The following FER1L6 variants were observed in gnomAD, a reference collection of about 807,000 sequenced individuals.
FER1L6 encodes fer-1 like family member 6, also known as fer-1-like protein 6.
In FER1L6, 177 loss-of-function variants were observed where a neutral mutation model predicts 219.2. The ratio of observed to expected loss-of-function variants is 0.81; its 90% CI spans 0.71 to 0.91. The LOEUF is 0.91. Ranked by LOEUF, FER1L6 falls within the 40% of genes least tolerant of loss-of-function variation. FER1L6 has a pLI of 0.00. For missense variants in FER1L6, 2,153 were observed against 2,259.9 expected, an observed-to-expected ratio of 0.95 and a Z score of 0.96; for synonymous variants, 768 against 824.3, an observed-to-expected ratio of 0.93 and a Z score of 1.17.
intron 16 of FER1L6, among the ~76,000 whole-genome samples, chr8:124,019,126 A>T (rs900322884): frequency 2.0e-5 from 3 of 152,212 alleles, no homozygotes; most frequent in African/African-American, 7.2e-5. Flanking sequence ...TCATAGGATA[A>T]AATCTAAATC....
At chr8:123,967,236 T>G (rs1053039527) in intron 5 of FER1L6, among the ~76,000 whole-genome samples, 2 of 152,236 alleles carry the variant, frequency 1.3e-5, no homozygotes, top group Non-Finnish European at 2.9e-5. Flanking sequence ...CATTTGCGTA[T>G]CCTTCCAGAG....
At chr8:123,986,890 T>C (rs1816611305) in intron 12 of FER1L6, among the ~76,000 whole-genome samples, 1 of 152,212 alleles carries the variant, frequency 6.6e-6, no homozygotes, top group South Asian at 2.1e-4. Flanking sequence ...TGTGTATCTG[T>C]ATCACATTTT....
chr8:123,914,649 G>A (rs999540679), intron 1 of FER1L6, among the ~76,000 whole-genome samples: 3 of 152,220 alleles, frequency 2.0e-5, no homozygotes, highest in Admixed American at 2.0e-4. Context: ...GCCCAGAGGA[G>A]CTGCTAAAAA....
At chr8:123,955,279 T>G (rs1357945074) in intron 1 of FER1L6, among the ~76,000 whole-genome samples, 1 of 151,954 alleles carries the variant, frequency 6.6e-6, no homozygotes, top group Non-Finnish European at 1.5e-5. Flanking sequence ...GGGGTTGCAG[T>G]GGGTGGGGAG....
At position 124,069,418 on chromosome 8, in the gene FER1L6, C is replaced by A. The variant is rs568983652; in HGVS notation, c.3777C>A (p.Asp1259Glu). ...DIEDGPKKKK[D>E]KMLKKKPKDD... The stretch of plus-strand genomic sequence containing the variant: ...AAGATGGGCCAAAGAAGAAGAAAGA[C>A]AAAATGCTCAAGAAGAAACCCAAAG... The change falls in exon 29 of 41, where the codon GAC becomes GAA. Residue 1259 changes from aspartate (D) to glutamate (E), a missense_variant. Asp to Glu is a conservative substitution (Grantham distance 45). Coordinates refer to ENST00000522917, the MANE Select transcript of FER1L6 (RefSeq NM_001039112.2). 8.7e-6 allele frequency: 14 copies of A among 1,611,910 alleles called. No homozygotes were observed. In the East Asian group the frequency reaches 1.8e-4, roughly 21 times the overall value.
chr8:124,046,146 G>C (rs754343329), intron 21 of FER1L6: 9 of 421,132 alleles, frequency 2.1e-5, no homozygotes, highest in Non-Finnish European at 3.8e-5. Context: ...ATTGGATCTG[G>C]TTTACAGAAC....
chr8:124,047,191 A>T (rs1340857824), intron 21 of FER1L6, among the ~76,000 whole-genome samples: 1 of 152,234 alleles, frequency 6.6e-6, no homozygotes, highest in Non-Finnish European at 1.5e-5. Context: ...CATTCCAAAG[A>T]TCTGCAGGGC....
At position 124,119,829 on chromosome 8, in the gene FER1L6, C is replaced by T. The variant is rs767041434; in HGVS notation, c.*39C>T. 2 of 1,596,690 alleles carry T rather than the reference C, an allele frequency of 1.3e-6. No individual in the cohort carries two copies. Among genetic ancestry groups the T allele is most frequent in the South Asian group, 1.1e-5 (1 of 88,476 alleles). On this transcript the variant is annotated 3_prime_UTR_variant, in exon 41 of 41. Coordinates refer to ENST00000522917, the MANE Select transcript of FER1L6 (RefSeq NM_001039112.2). Reference sequence around the variant, plus strand: ...ACCCAGATCCTCGCCATATACTAATCCTCTCTTCCTTATCTGGGAGCATCT... The same window carrying T: ...ACCCAGATCCTCGCCATATACTAATTCTCTCTTCCTTATCTGGGAGCATCT...
At chr8:124,100,344 G>A (rs908458850) in intron 37 of FER1L6, among the ~76,000 whole-genome samples, 4 of 152,160 alleles carry the variant, frequency 2.6e-5, no homozygotes, top group Non-Finnish European at 5.9e-5. Context: ...GAACATGATA[G>A]GTAATTTGGA....
chr8:123,859,955 T>A (rs181745195), intron 1 of FER1L6, among the ~76,000 whole-genome samples: 6 of 134,814 alleles, frequency 4.5e-5, no homozygotes, highest in Middle Eastern at 4.1e-3. Context: ...TTATTTATTT[T>A]TATTATTATT....
At chr8:123,919,063 C>A (rs1303495451) in intron 1 of FER1L6, among the ~76,000 whole-genome samples, 1 of 152,094 alleles carries the variant, frequency 6.6e-6, no homozygotes, top group African/African-American at 2.4e-5. Context: ...AGAGTGCTGG[C>A]AGGCAAAGAG....
chr8:123,975,024 G>A, intron 7 of FER1L6, 126 bp from the exon 8 acceptor site: 1 of 803,370 alleles, frequency 1.2e-6, no homozygotes, highest in Non-Finnish European at 1.9e-6. Flanking sequence ...GGAAAAAACT[G>A]AGATGATTTA....
chr8:123,993,785 A>T (rs1216291287), intron 12 of FER1L6, among the ~76,000 whole-genome samples: 4 of 152,180 alleles, frequency 2.6e-5, no homozygotes, highest in Admixed American at 6.5e-5. Context: ...GTTTGTGAAA[A>T]TGCCAACAAA....
intron 1 of FER1L6, among the ~76,000 whole-genome samples, chr8:123,856,216 A>G (rs930564112): frequency 1.0e-4 from 10 of 98,450 alleles, no homozygotes; most frequent in African/African-American, 4.1e-4. Context: ...GTATATACAT[A>G]TGTGTATGAG....
At chr8:124,112,627 A>C (rs1044738811) in intron 39 of FER1L6, among the ~76,000 whole-genome samples, 2 of 152,240 alleles carry the variant, frequency 1.3e-5, no homozygotes, top group African/African-American at 4.8e-5. Flanking sequence ...TATCCCTGGT[A>C]CATCAACAAC....
chr8:124,024,196 ATT>A lies in FER1L6; in HGVS notation c.2286+614_2286+615del, dbSNP rs201365446. 1.2e-3 allele frequency among the ~76,000 whole-genome samples: 164 copies of A among 142,484 alleles called. 2 individuals are homozygous for A. Among genetic ancestry groups the A allele is most frequent in the African/African-American group, 3.7e-3 (146 of 39,168 alleles). The allele number at this position is 142,484 out of a possible 152,430, so 93.5% of individuals were successfully genotyped here. A position where few individuals can be genotyped will look rare whatever the true frequency, so the allele number is the denominator to read the frequency against. ...CAAGCGTGAGCCACCGTACTTGGCCATTTTTTTTTTTTTTTATTTCAGTAGCT... is the reference window on the plus strand; with the variant it reads ...CAAGCGTGAGCCACCGTACTTGGCCATTTTTTTTTTTTTATTTCAGTAGCT... On this transcript the variant is annotated intron_variant, in intron 18 of 40. Transcript: ENST00000522917.
intron 38 of FER1L6, among the ~76,000 whole-genome samples, chr8:124,101,911 C>A (rs567613401): frequency 6.6e-6 from 1 of 152,060 alleles, no homozygotes; most frequent in African/African-American, 2.4e-5. Context: ...TGTATGTTAG[C>A]GACAACTGGA....
intron 1 of FER1L6, among the ~76,000 whole-genome samples, chr8:123,878,837 G>T (rs1425741457): frequency 2.6e-5 from 4 of 151,992 alleles, no homozygotes; most frequent in African/African-American, 9.7e-5. Context: ...CAATATTTTT[G>T]TTATAAAAAA....
intron 2 of FER1L6, among the ~76,000 whole-genome samples, chr8:123,956,597 T>C (rs868798732): frequency 6.6e-6 from 1 of 152,322 alleles, no homozygotes; most frequent in South Asian, 2.1e-4. Context: ...GTAAATAAAG[T>C]GTGGAAGAGA....
Sources: allele counts gnomAD v4.1 joint callset (sites outside exome capture counted in the v4.1 genomes callset), GRCh38; gene constraint gnomAD v4.1.1; transcripts MANE v1.5; gene names NCBI Gene and HGNC (gene_info 2026-07-23, HGNC 2026-07-21).